PACRG: variants seen among roughly 807,000 people sequenced by gnomAD.
The protein encoded by PACRG is parkin coregulated gene protein.
A neutral mutation model predicts 29.7 loss-of-function variants in PACRG; 29 were observed. That is an observed-to-expected ratio of 0.98 (90% confidence interval 0.73 to 1.33). The LOEUF is 1.33. PACRG is among the 40% of genes most tolerant of loss of function. The pLI, the probability that PACRG is intolerant of heterozygous loss-of-function variation, is 0.00. For missense variants in PACRG, 279 were observed against 316.2 expected, an observed-to-expected ratio of 0.88 and a Z score of 0.89; for synonymous variants, 116 against 118.7, an observed-to-expected ratio of 0.98 and a Z score of 0.15.
chr6:162,821,754 A>G (rs1787858691), intron 2 of PACRG, among the ~76,000 whole-genome samples: 1 of 152,320 alleles, frequency 6.6e-6, no homozygotes, highest in East Asian at 1.9e-4. Flanking sequence ...TATCTACCCA[A>G]GGATAATCTC....
intron 2 of PACRG, among the ~76,000 whole-genome samples, chr6:163,035,344 C>T (rs1478032874): frequency 6.6e-6 from 1 of 152,092 alleles, no homozygotes; most frequent in African/African-American, 2.4e-5. Flanking sequence ...GGAACCCTGT[C>T]TCTACTAGAA....
At chr6:162,903,509 G>A (rs143771402) in intron 2 of PACRG, among the ~76,000 whole-genome samples, 4,521 of 152,024 alleles carry the variant, frequency 0.03, 252 homozygotes, top group African/African-American at 0.1. Context: ...CTTACATGGC[G>A]GCAGGCAAGA....
intron 4 of PACRG, among the ~76,000 whole-genome samples, chr6:163,275,923 C>T (rs981661836): frequency 2.0e-5 from 3 of 152,170 alleles, no homozygotes; most frequent in Admixed American, 6.6e-5. Flanking sequence ...ACACTGTTCC[C>T]GGCTGAGCAG....
At chr6:163,242,727 T>A (rs919864248) in intron 4 of PACRG, among the ~76,000 whole-genome samples, 5 of 152,242 alleles carry the variant, frequency 3.3e-5, no homozygotes, top group African/African-American at 9.6e-5. Context: ...ACAGCACCTT[T>A]AGAATACTTC....
chr6:163,060,315 C>T (rs1810988702), intron 2 of PACRG, among the ~76,000 whole-genome samples: 2 of 152,002 alleles, frequency 1.3e-5, no homozygotes, highest in Admixed American at 6.6e-5. Flanking sequence ...GTATAGATGA[C>T]ATTTTTATTA....
At chr6:162,741,337 A>G (rs1369317391) in intron 1 of PACRG, among the ~76,000 whole-genome samples, 2 of 152,280 alleles carry the variant, frequency 1.3e-5, no homozygotes, top group East Asian at 3.9e-4. Flanking sequence ...ACACAATACC[A>G]TAGACTGGGT....
chr6:162,990,328 G>A (rs1803334419), intron 2 of PACRG, among the ~76,000 whole-genome samples: 1 of 151,758 alleles, frequency 6.6e-6, no homozygotes, highest in African/African-American at 2.4e-5. Flanking sequence ...CTTCCACAAT[G>A]GTTGAACTAG....
intron 2 of PACRG, among the ~76,000 whole-genome samples, chr6:162,826,849 T>C (rs1788329803): frequency 6.6e-6 from 1 of 152,224 alleles, no homozygotes; most frequent in South Asian, 2.1e-4. Flanking sequence ...TATCTATTAC[T>C]ATGAATCTCT....
chr6:162,977,906 G>A (rs1280093333), intron 2 of PACRG, among the ~76,000 whole-genome samples: 1 of 152,124 alleles, frequency 6.6e-6, no homozygotes, highest in East Asian at 1.9e-4. Flanking sequence ...CACTTTGGGA[G>A]GCCGAGGGAG....
At chr6:162,805,306 A>G (rs1237309612) in intron 1 of PACRG, among the ~76,000 whole-genome samples, 2 of 152,174 alleles carry the variant, frequency 1.3e-5, no homozygotes, top group Non-Finnish European at 2.9e-5. Context: ...ATACTATATT[A>G]TAGTCTAATA....
At chr6:162,884,837 G>A (rs1037739901) in intron 2 of PACRG, among the ~76,000 whole-genome samples, 1 of 152,094 alleles carries the variant, frequency 6.6e-6, no homozygotes, top group Non-Finnish European at 1.5e-5. Context: ...AAGTCTCAGC[G>A]CTAAAAATCC....
At chr6:162,791,307 G>GTTTTTTT (rs141410582) in intron 1 of PACRG, among the ~76,000 whole-genome samples, 203 of 117,754 alleles carry the variant, frequency 1.7e-3, no homozygotes, top group African/African-American at 2.0e-3. Flanking sequence ...TAGTTTGTTT[G>GTTTTTTT]TTTGTTTTTT....
chr6:163,255,264 G>A (rs913766564), intron 4 of PACRG, among the ~76,000 whole-genome samples: 2 of 152,178 alleles, frequency 1.3e-5, no homozygotes, highest in African/African-American at 2.4e-5. Flanking sequence ...TGCAATTTAG[G>A]TCCCCAAGCC....
intron 2 of PACRG, among the ~76,000 whole-genome samples, chr6:163,021,359 G>A (rs1365444247): frequency 6.6e-6 from 1 of 152,160 alleles, no homozygotes; most frequent in Non-Finnish European, 1.5e-5. Context: ...GTCCTTGGCC[G>A]TGGACACTTC....
intron 2 of PACRG, among the ~76,000 whole-genome samples, chr6:162,894,120 G>A (rs1295271581): frequency 1.3e-5 from 2 of 152,122 alleles, no homozygotes. Context: ...TCTGAGACCT[G>A]GAGTGGGACA....
At chr6:163,010,889 A>G (rs1488700823) in intron 2 of PACRG, among the ~76,000 whole-genome samples, 1 of 152,216 alleles carries the variant, frequency 6.6e-6, no homozygotes, top group Non-Finnish European at 1.5e-5. Flanking sequence ...GGGCCCCTCC[A>G]GAGTTACTCA....
rs145686567 is a variant in PACRG, at chr6:162,962,785, A to G, written c.292-99365A>G. Among the ~76,000 whole-genome samples, 284 of 152,330 alleles carry G rather than the reference A, an allele frequency of 1.9e-3. 1 individual carries two copies. The highest frequency in any genetic ancestry group is 6.4e-3 in the African/African-American group (265 of 41,582). On this transcript the variant is annotated intron_variant, in intron 2 of 4. Transcript: ENST00000366888. The stretch of plus-strand genomic sequence containing the variant: ...CCAGCAGCCTGAGCTAAGACAGGTC[A>G]CATGCTACAAATGTGTGCTGGGAGG...
At chr6:163,286,200 A>T (rs1312442104) in intron 4 of PACRG, among the ~76,000 whole-genome samples, 1 of 152,218 alleles carries the variant, frequency 6.6e-6, no homozygotes, top group Non-Finnish European at 1.5e-5. Flanking sequence ...TCCAGACTGA[A>T]TGATGAGCTC....
At chr6:162,980,953 A>G (rs1802364980) in intron 2 of PACRG, among the ~76,000 whole-genome samples, 1 of 151,992 alleles carries the variant, frequency 6.6e-6, no homozygotes, top group Non-Finnish European at 1.5e-5. Flanking sequence ...AAAGTTCTTT[A>G]GAGGTGATTT....
Sources: gnomAD v4.1 joint callset for allele counts (sites outside exome capture counted in the v4.1 genomes callset) on GRCh38, gnomAD v4.1.1 for gene constraint, MANE v1.5 for transcripts, NCBI Gene and HGNC (gene_info 2026-07-23, HGNC 2026-07-21) for gene names.